KALRN: variants seen among roughly 807,000 people sequenced by gnomAD.
KALRN encodes kalirin.
KALRN carries 70 observed loss-of-function variants against 353.7 expected under a neutral mutation model. The observed-to-expected ratio is 0.20, with a 90% CI of 0.16 to 0.24. The LOEUF (loss-of-function observed/expected upper bound fraction) is 0.24. Ranked by LOEUF, KALRN falls within the 10% of genes least tolerant of loss-of-function variation. The pLI, the probability that KALRN is intolerant of heterozygous loss-of-function variation, is 1.00. For missense variants in KALRN, 2,791 were observed against 3,756.7 expected (o/e 0.74, Z 6.72); for synonymous variants, 1,391 against 1,434.8 (o/e 0.97, Z 0.69).
intron 46 of KALRN, 60 bp downstream of exon 46, chr3:124,666,694 T>C: frequency 7.1e-7 from 1 of 1,411,222 alleles, no homozygotes. Context: ...GGGAGCTGCT[T>C]CCCTAAGACG....
At chr3:124,486,954 A>G (rs2062632438) in intron 28 of KALRN, among the ~76,000 whole-genome samples, 1 of 152,192 alleles carries the variant, frequency 6.6e-6, no homozygotes, top group South Asian at 2.1e-4. Flanking sequence ...TTATCCTATT[A>G]AAAGCATTTC....
intron 1 of KALRN, among the ~76,000 whole-genome samples, chr3:124,175,605 G>A (rs191228918): frequency 2.0e-5 from 3 of 148,400 alleles, no homozygotes; most frequent in East Asian, 2.0e-4. Context: ...GCGCGCTGCC[G>A]AGTGTCCAGG....
chr3:124,155,449 G>T (rs1039388049), intron 1 of KALRN, among the ~76,000 whole-genome samples: 16 of 152,262 alleles, frequency 1.1e-4, no homozygotes, highest in Admixed American at 1.0e-3. Context: ...TTATCTCTTG[G>T]CACAGGCAGG....
At chr3:124,306,171 C>T (rs1198785586) in intron 6 of KALRN, among the ~76,000 whole-genome samples, 1 of 152,132 alleles carries the variant, frequency 6.6e-6, no homozygotes, top group Non-Finnish European at 1.5e-5. Context: ...ACCTCCTAGG[C>T]TCAAGCGGTC....
intron 24 of KALRN, 66 bp from the exon 25 acceptor site, chr3:124,462,458 G>T (rs777262573): frequency 2.7e-5 from 24 of 902,506 alleles, no homozygotes; most frequent in Non-Finnish European, 4.2e-5. Flanking sequence ...GAGCACCTGT[G>T]TATTTTGTCT....
intron 1 of KALRN, among the ~76,000 whole-genome samples, chr3:124,161,458 T>C (rs1438491000): frequency 6.6e-6 from 1 of 152,168 alleles, no homozygotes; most frequent in Non-Finnish European, 1.5e-5. Context: ...AGATCGCTTC[T>C]CCCCCTCTAC....
At chr3:124,082,397 A>G in intron 1 of KALRN, 1 of 440,992 alleles carries the variant, frequency 2.3e-6, no homozygotes, top group Middle Eastern at 4.8e-4. Flanking sequence ...GGCTCTGGCA[A>G]AGCTACAACC....
At chr3:124,129,434 C>T (rs999493550) in intron 1 of KALRN, among the ~76,000 whole-genome samples, 1 of 152,164 alleles carries the variant, frequency 6.6e-6, no homozygotes, top group Non-Finnish European at 1.5e-5. Context: ...GAACAGAGCC[C>T]CTTCTCACTT....
chr3:124,353,384 G>A, intron 10 of KALRN, among the ~76,000 whole-genome samples: 1 of 152,110 alleles, frequency 6.6e-6, no homozygotes, highest in Non-Finnish European at 1.5e-5. Context: ...TTCCCATCAA[G>A]TTTCTGTGTT....
At chr3:124,195,512 G>C (rs1334454845) in intron 1 of KALRN, among the ~76,000 whole-genome samples, 1 of 152,134 alleles carries the variant, frequency 6.6e-6, no homozygotes, top group African/African-American at 2.4e-5. Context: ...GTCAGGGTGA[G>C]AGGAGGGAAG....
intron 1 of KALRN, chr3:124,095,748 G>A (rs144057788): frequency 6.6e-6 from 1 of 152,282 alleles, no homozygotes; most frequent in Non-Finnish European, 1.5e-5. Context: ...AACTTGTTTG[G>A]TAATTGATTT....
In KALRN at chr3:124,663,467, G is replaced by A. The variant is rs187073993; in HGVS notation, c.6345+1539G>A. 1.8e-4 allele frequency among the ~76,000 whole-genome samples: 28 copies of A among 152,276 alleles called. No individual in the cohort carries two copies. The East Asian group carries it at 5.2e-3, about 28-fold the overall frequency. On this transcript the variant is annotated intron_variant, in intron 45 of 59. Transcript: ENST00000682506. ...GCCCATAACAGTGAACCTTTGAAGA[G>A]GAAATTGACTTTCTAATTTAAACTT...
chr3:124,645,131 A>G (rs1313581163), intron 37 of KALRN, among the ~76,000 whole-genome samples: 2 of 152,180 alleles, frequency 1.3e-5, no homozygotes, highest in East Asian at 1.9e-4. Flanking sequence ...TCTTCTTTTG[A>G]TAAGTGTCTG....
intron 1 of KALRN, among the ~76,000 whole-genome samples, chr3:124,182,635 A>G (rs1018424678): frequency 1.3e-5 from 2 of 152,182 alleles, no homozygotes; most frequent in Non-Finnish European, 2.9e-5. Context: ...GTATATACTC[A>G]AGGAGAGAGG....
intron 34 of KALRN, among the ~76,000 whole-genome samples, chr3:124,589,493 T>A (rs183117789): frequency 1.3e-5 from 2 of 152,218 alleles, no homozygotes; most frequent in East Asian, 3.9e-4. Context: ...CTCGGGAGGT[T>A]GAGGTGGGAG....
intron 1 of KALRN, among the ~76,000 whole-genome samples, chr3:124,123,996 C>T (rs528916512): frequency 6.6e-5 from 10 of 152,360 alleles, no homozygotes; most frequent in African/African-American, 2.4e-4. Flanking sequence ...GCTAACACAA[C>T]ATCCTTTCTG....
At chr3:124,170,129 G>T (rs2071525895) in intron 1 of KALRN, among the ~76,000 whole-genome samples, 1 of 152,126 alleles carries the variant, frequency 6.6e-6, no homozygotes. Context: ...ATAAGACGGG[G>T]ACCCAGTCCA....
intron 33 of KALRN, among the ~76,000 whole-genome samples, chr3:124,530,761 T>A (rs72980575): frequency 2.0e-5 from 3 of 152,254 alleles, no homozygotes; most frequent in African/African-American, 7.2e-5. Context: ...CAGTTTGTAT[T>A]TGTCTTAGTA....
intron 6 of KALRN, among the ~76,000 whole-genome samples, chr3:124,311,064 CTTT>C (rs71145446): frequency 2.3e-3 from 155 of 67,482 alleles, no homozygotes; most frequent in Non-Finnish European, 2.8e-3. Flanking sequence ...GATACTACTT[CTTT>C]TTTTTTTTTT....
Sources: gnomAD v4.1 joint callset for allele counts (sites outside exome capture counted in the v4.1 genomes callset) on GRCh38, gnomAD v4.1.1 for gene constraint, MANE v1.5 for transcripts, NCBI Gene and HGNC (gene_info 2026-07-23, HGNC 2026-07-21) for gene names.